Variants in USP32 observed in about 807,000 individuals in gnomAD.
The protein encoded by USP32 is ubiquitin specific peptidase 32.
In USP32, 59 loss-of-function variants were observed where a neutral mutation model predicts 204.8. The ratio of observed to expected loss-of-function variants is 0.29; its 90% CI spans 0.23 to 0.36. USP32 has a LOEUF of 0.36. Among genes scored for constraint, USP32 ranks in the 10% least tolerant of loss-of-function variants. USP32 has a pLI of 1.00. For missense variants in USP32, 1,160 were observed against 1,946.4 expected (o/e 0.60, Z 7.60); for synonymous variants, 517 against 678.4 (o/e 0.76, Z 3.70).
At chr17:60,337,831 T>G (rs1244588190) in intron 2 of USP32, among the ~76,000 whole-genome samples, 2 of 151,872 alleles carry the variant, frequency 1.3e-5, no homozygotes, top group African/African-American at 4.8e-5. Flanking sequence ...CAATGAGCCA[T>G]GATCGGGCCA....
chr17:60,380,375 G>C (rs1184304040), intron 1 of USP32, among the ~76,000 whole-genome samples: 2 of 151,978 alleles, frequency 1.3e-5, no homozygotes, highest in Non-Finnish European at 2.9e-5. Flanking sequence ...AAGACCAGCC[G>C]GGGCAACATA....
At chr17:60,366,357 C>T (rs2089313385) in intron 1 of USP32, among the ~76,000 whole-genome samples, 1 of 152,042 alleles carries the variant, frequency 6.6e-6, no homozygotes, top group Non-Finnish European at 1.5e-5. Context: ...CGGGGTTTCA[C>T]TATGTTGGCC....
At chr17:60,190,209 T>C (rs1326845131) in intron 29 of USP32, among the ~76,000 whole-genome samples, 5 of 152,196 alleles carry the variant, frequency 3.3e-5, no homozygotes, top group African/African-American at 7.2e-5. Flanking sequence ...TTCTCTGCCA[T>C]GTTATGATGC....
chr17:60,350,858 C>T (rs923193899), intron 1 of USP32, among the ~76,000 whole-genome samples: 1 of 151,842 alleles, frequency 6.6e-6, no homozygotes, highest in African/African-American at 2.4e-5. Context: ...ACTTCATCCA[C>T]GTAACGAAAA....
At chr17:60,421,666 G>A in intron 1 of USP32, 1 of 913,008 alleles carries the variant, frequency 1.1e-6, no homozygotes, top group Non-Finnish European at 1.3e-6. Flanking sequence ...CTGCTGCCGC[G>A]CCAGGGGCGA....
At chr17:60,315,942 A>C (rs1192604384) in intron 2 of USP32, 2 of 158,338 alleles carry the variant, frequency 1.3e-5, no homozygotes, top group Non-Finnish European at 2.8e-5. Flanking sequence ...AGGGGTAAAG[A>C]AACGTCATCA....
intron 11 of USP32, chr17:60,249,810 T>G: frequency 1.4e-6 from 1 of 694,828 alleles, no homozygotes; most frequent in Non-Finnish European, 2.6e-6. Flanking sequence ...GGGGAAAGGG[T>G]TGGCTGAGAT....
Position 60,185,657 on chromosome 17 carries a change from G to A in USP32, c.3643-6C>T. On this transcript the variant is annotated splice_region_variant and splice_polypyrimidine_tract_variant and intron_variant, in intron 29 of 33. Transcript: ENST00000300896. Reference sequence around the variant, plus strand: ...CTCTCATGCTCATCTACAACCTGCAGGTAGAGGGAACAGGAGGAAAGGGGT... The same window carrying A: ...CTCTCATGCTCATCTACAACCTGCAAGTAGAGGGAACAGGAGGAAAGGGGT... 1.9e-6 allele frequency: 3 copies of A among 1,607,166 alleles called. No individual in the cohort carries two copies. Among genetic ancestry groups the A allele is most frequent in the South Asian group, 1.1e-5 (1 of 90,788 alleles).
At chr17:60,222,931 C>T (rs1410950757) in intron 14 of USP32, among the ~76,000 whole-genome samples, 2 of 152,030 alleles carry the variant, frequency 1.3e-5, no homozygotes, top group East Asian at 3.9e-4. Flanking sequence ...ATCTGCCCAC[C>T]TCAGCCTCCC....
rs554224179 is a variant in USP32, at chr17:60,307,380, C to T, written c.187-5676G>A. On this transcript the variant is annotated intron_variant, in intron 2 of 33. Transcript: ENST00000300896. Reference sequence around the variant, plus strand: ...TCTCCCAAAGTGCTGGGATTACAGGCGTGAGCCACCACACCCAGCCAGAAT... The same window carrying T: ...TCTCCCAAAGTGCTGGGATTACAGGTGTGAGCCACCACACCCAGCCAGAAT... Among the ~76,000 whole-genome samples, 5 of 152,222 alleles carry T rather than the reference C, an allele frequency of 3.3e-5. No individual in the cohort carries two copies. The East Asian group carries it at 7.7e-4, about 24-fold the overall frequency.
chr17:60,185,023 CACTCA>C (rs2084215682), intron 30 of USP32, among the ~76,000 whole-genome samples: 1 of 152,186 alleles, frequency 6.6e-6, no homozygotes, highest in Non-Finnish European at 1.5e-5. Context: ...TGTGTACACA[CACTCA>C]ACTCAGTAGT....
chr17:60,208,544 C>T, intron 23 of USP32, 110 bp downstream of exon 23: 3 of 1,376,382 alleles, frequency 2.2e-6, no homozygotes, highest in Non-Finnish European at 2.8e-6. Context: ...TTATAATATG[C>T]TGACTACCGG....
intron 28 of USP32, 119 bp downstream of exon 28, chr17:60,192,725 A>C (rs2084417928): frequency 7.6e-7 from 1 of 1,314,066 alleles, no homozygotes; most frequent in African/African-American, 1.5e-5. Context: ...GTGCCCAGCC[A>C]CAATTCTTAA....
In USP32 at chr17:60,288,715, C is replaced by A. The variant is rs1598200208; in HGVS notation, c.412-33G>T. On this transcript the variant is annotated intron_variant, in intron 4 of 33. Coordinates refer to ENST00000300896, the MANE Select transcript of USP32 (RefSeq NM_032582.4). ...TAAAACAAGAAAACATAAGTTTAGT[C>A]AAATTTTAAGGTATCTTACTTGGAA... is the stretch of plus-strand genomic sequence containing the variant. The A allele has an allele frequency of 3.8e-6, 6 of 1,574,266 alleles. No individual in the cohort carries two copies. In the East Asian group the frequency reaches 1.3e-4, roughly 35 times the overall value.
intron 29 of USP32, among the ~76,000 whole-genome samples, chr17:60,188,853 G>C (rs540520691): frequency 6.6e-6 from 1 of 152,138 alleles, no homozygotes; most frequent in Non-Finnish European, 1.5e-5. Context: ...TACATGTAGG[G>C]GAGCCCAGAT....
upstream of USP32, among the ~76,000 whole-genome samples, chr17:60,393,792 C>G (rs956629587): frequency 6.6e-6 from 1 of 152,020 alleles, no homozygotes; most frequent in Non-Finnish European, 1.5e-5. Flanking sequence ...TCAAGCGACT[C>G]TCCTGCCTCA....
intron 1 of USP32, among the ~76,000 whole-genome samples, chr17:60,398,763 A>G (rs2146158598): frequency 6.6e-6 from 1 of 151,964 alleles, no homozygotes; most frequent in Middle Eastern, 3.4e-3. Context: ...GGATTGATTG[A>G]GGTCAGGAGT....
At chr17:60,212,138 C>T (rs767802358) in intron 18 of USP32, 40 bp from the exon 19 acceptor site, 4 of 1,482,770 alleles carry the variant, frequency 2.7e-6, no homozygotes, top group Non-Finnish European at 3.7e-6. Flanking sequence ...TCTTATCTAT[C>T]TAATTTATAC....
chr17:60,344,748 C>A (rs1337988215), intron 2 of USP32, among the ~76,000 whole-genome samples: 7 of 152,222 alleles, frequency 4.6e-5, no homozygotes, highest in Admixed American at 2.0e-4. Context: ...AGCCAACATA[C>A]CCAGCCAATA....
Sources: allele counts gnomAD v4.1 joint callset (sites outside exome capture counted in the v4.1 genomes callset), GRCh38; gene constraint gnomAD v4.1.1; transcripts MANE v1.5; gene names NCBI Gene and HGNC (gene_info 2026-07-23, HGNC 2026-07-21).